The following FNBP1 variants were observed in gnomAD, a reference collection of about 807,000 sequenced individuals.
FNBP1 encodes the protein formin binding protein 1.
In FNBP1, 26 loss-of-function variants were observed where a neutral mutation model predicts 90.6. The observed-to-expected ratio is 0.29, with a 90% CI of 0.21 to 0.40. FNBP1 has a LOEUF of 0.40. Among genes scored for constraint, FNBP1 ranks in the 10% least tolerant of loss-of-function variants. FNBP1 has a pLI of 1.00. For synonymous variants in FNBP1, 260 were observed against 265.2 expected, an observed-to-expected ratio of 0.98 and a Z score of 0.19; for missense variants, 635 against 768.0, an observed-to-expected ratio of 0.83 and a Z score of 2.05.
At chr9:129,969,710 G>A (rs2049142115) in intron 4 of FNBP1, among the ~76,000 whole-genome samples, 1 of 151,604 alleles carries the variant, frequency 6.6e-6, no homozygotes, top group African/African-American at 2.4e-5. Context: ...AGGAGTTCAA[G>A]ACCAGCCTGG....
chr9:129,947,310 G>A (rs950591863), intron 6 of FNBP1, among the ~76,000 whole-genome samples: 1 of 151,760 alleles, frequency 6.6e-6, no homozygotes, highest in Admixed American at 6.6e-5. Flanking sequence ...TGTGGTGGCA[G>A]GCGCCTGTAA....
chr9:129,932,668 T>C (rs2042936930), intron 6 of FNBP1, among the ~76,000 whole-genome samples: 1 of 152,166 alleles, frequency 6.6e-6, no homozygotes, highest in South Asian at 2.1e-4. Flanking sequence ...CTCAGTTGAT[T>C]TCAGCTGCCG....
chr9:130,017,380 A>G (rs2057343217), intron 1 of FNBP1, among the ~76,000 whole-genome samples: 1 of 152,178 alleles, frequency 6.6e-6, no homozygotes, highest in African/African-American at 2.4e-5. Context: ...ACATTAACAG[A>G]TATTTCAAAG....
intron 6 of FNBP1, among the ~76,000 whole-genome samples, chr9:129,951,867 G>T (rs1564414980): frequency 2.0e-5 from 3 of 152,048 alleles, no homozygotes; most frequent in African/African-American, 7.2e-5. Context: ...TCTTTTAACA[G>T]TGAACTTGAA....
chr9:129,958,985 C>CAA lies in FNBP1; in HGVS notation c.346-434_346-433dup, dbSNP rs60640596. ...TGGATGACACAGTGAAACTCTGCCT[C>CAA]AAAAAAAAAAAAAAAAAAAAAAGGA... On this transcript the variant is annotated intron_variant, in intron 4 of 16. Coordinates refer to ENST00000446176, the MANE Select transcript of FNBP1 (RefSeq NM_015033.3). Among the ~76,000 whole-genome samples the CAA allele has an allele frequency of 5.4e-3, 49 of 9,154 alleles. 8 individuals are homozygous for CAA. The highest frequency in any genetic ancestry group is 9.7e-3 in the African/African-American group (24 of 2,480). 6.0% of individuals were successfully genotyped at this position (9,154 alleles called of 152,430 possible).
intron 4 of FNBP1, among the ~76,000 whole-genome samples, chr9:129,964,719 A>C (rs2048316258): frequency 6.6e-6 from 1 of 152,172 alleles, no homozygotes; most frequent in South Asian, 2.1e-4. Context: ...AGAACAGACA[A>C]ACTCACACAA....
chr9:129,972,798 C>T (rs2049692802), intron 4 of FNBP1, among the ~76,000 whole-genome samples: 1 of 152,168 alleles, frequency 6.6e-6, no homozygotes, highest in Admixed American at 6.5e-5. Context: ...TCCCAATGTG[C>T]TGGGATTATA....
At chr9:130,046,117 A>G (rs568269217), upstream of FNBP1, among the ~76,000 whole-genome samples, 2 of 152,260 alleles carry the variant, frequency 1.3e-5, no homozygotes, top group South Asian at 4.1e-4. Flanking sequence ...TTCCTGAAGT[A>G]TAGCTCCTAA....
chr9:130,013,470 C>A (rs1031605214), intron 1 of FNBP1, among the ~76,000 whole-genome samples: 9 of 152,102 alleles, frequency 5.9e-5, no homozygotes, highest in Non-Finnish European at 1.2e-4. Flanking sequence ...CAAGTGTAAA[C>A]AAGGACGTGG....
chr9:129,994,388 G>C (rs999843880), intron 2 of FNBP1, among the ~76,000 whole-genome samples: 4 of 152,178 alleles, frequency 2.6e-5, no homozygotes, highest in African/African-American at 9.7e-5. Context: ...TAGAAGTCAG[G>C]AGAGTGGTTA....
chr9:129,927,902 C>G (rs931560195), intron 7 of FNBP1, among the ~76,000 whole-genome samples: 7 of 152,124 alleles, frequency 4.6e-5, no homozygotes, highest in Non-Finnish European at 1.0e-4. Flanking sequence ...GGATTACAGG[C>G]TTGAGCCACC....
chr9:130,003,751 G>C (rs542385000), intron 1 of FNBP1, among the ~76,000 whole-genome samples: 3 of 150,988 alleles, frequency 2.0e-5, no homozygotes, highest in Non-Finnish European at 4.4e-5. Context: ...GTGAAACCCC[G>C]GCTCTACTAA....
At chr9:129,995,017 A>G in intron 1 of FNBP1, 59 bp from the exon 2 acceptor site, 1 of 813,190 alleles carries the variant, frequency 1.2e-6, no homozygotes, top group Non-Finnish European at 2.1e-6. Flanking sequence ...CATAATTTCA[A>G]TGAATAATTC....
At chr9:130,044,275 A>G (rs2060031873), upstream of FNBP1, among the ~76,000 whole-genome samples, 1 of 152,126 alleles carries the variant, frequency 6.6e-6, no homozygotes, top group Admixed American at 6.6e-5. Context: ...ACGATGATGC[A>G]TTTCTCCAAT....
intron 1 of FNBP1, among the ~76,000 whole-genome samples, chr9:130,026,115 G>A (rs2058315447): frequency 6.6e-6 from 1 of 152,118 alleles, no homozygotes; most frequent in Non-Finnish European, 1.5e-5. Flanking sequence ...GTTAGTTAAT[G>A]TCAGGATATG....
chr9:129,944,404 C>T lies in FNBP1; in HGVS notation c.513+12956G>A, dbSNP rs529793446. On this transcript the variant is annotated intron_variant, in intron 6 of 16. Coordinates refer to ENST00000446176, the MANE Select transcript of FNBP1 (RefSeq NM_015033.3). ...AAAAATACAAAAATTAGCTGGGCGTCGTGGTGGGCGCCTGTAGTCCCAGCT... is the reference window on the plus strand; with the variant it reads ...AAAAATACAAAAATTAGCTGGGCGTTGTGGTGGGCGCCTGTAGTCCCAGCT... 4.6e-5 allele frequency among the ~76,000 whole-genome samples: 7 copies of T among 151,006 alleles called. 1 individual carries two copies. Among genetic ancestry groups the T allele is most frequent in the Admixed American group, 4.0e-4 (6 of 15,152 alleles).
chr9:129,920,012 A>G (rs1280815239), intron 10 of FNBP1, among the ~76,000 whole-genome samples: 1 of 152,194 alleles, frequency 6.6e-6, no homozygotes, highest in Non-Finnish European at 1.5e-5. Context: ...TTGCACTGCT[A>G]TGTCCTAGAG....
rs1477332239 is a variant in FNBP1, at chr9:129,973,802, CTCT to C, written c.345+4660_345+4662del. 1.7e-4 allele frequency among the ~76,000 whole-genome samples: 25 copies of C among 148,400 alleles called. 1 individual carries two copies. The highest frequency in any genetic ancestry group is 5.5e-4 in the African/African-American group (22 of 40,214). On this transcript the variant is annotated intron_variant, in intron 4 of 16. Coordinates refer to ENST00000446176, the MANE Select transcript of FNBP1 (RefSeq NM_015033.3). ...ACAGGCATGAGCCACCGCGCCTGGC[CTCT>C]TCTTTTTTTTTCTTTTTTTTTTTGA...
chr9:130,053,132 C>A, the FNBP1 span, among the ~76,000 whole-genome samples: 1 of 152,072 alleles, frequency 6.6e-6, no homozygotes. Flanking sequence ...AAAGAAGTTC[C>A]TATAATTTCT....
Sources: gnomAD v4.1 joint callset for allele counts (sites outside exome capture counted in the v4.1 genomes callset) on GRCh38, gnomAD v4.1.1 for gene constraint, MANE v1.5 for transcripts, NCBI Gene and HGNC (gene_info 2026-07-23, HGNC 2026-07-21) for gene names.